Variants in CDH12 observed in about 807,000 individuals in gnomAD.
CDH12 encodes the protein cadherin-12.
In CDH12, 41 loss-of-function variants were observed where a neutral mutation model predicts 74.1. The ratio of observed to expected loss-of-function variants is 0.55; its 90% CI spans 0.43 to 0.72. CDH12 has a LOEUF of 0.72. CDH12 is among the 30% of genes least tolerant of loss of function. The probability of loss-of-function intolerance (pLI) is 0.00; values close to 1 mark genes in which losing one functional copy is unlikely to be tolerated. For missense variants in CDH12, 945 were observed against 977.2 expected (o/e 0.97, Z 0.44); for synonymous variants, 399 against 355.0 (o/e 1.12, Z -1.39).
At chr5:22,671,026 C>CAT (rs142736004) in intron 1 of CDH12, among the ~76,000 whole-genome samples, 2,766 of 147,390 alleles carry the variant, frequency 0.019, 43 homozygotes, top group African/African-American at 0.045. Context: ...TATATGTGTG[C>CAT]ATATATATAT....
At chr5:22,700,758 T>G (rs2126959148) in intron 1 of CDH12, among the ~76,000 whole-genome samples, 1 of 152,334 alleles carries the variant, frequency 6.6e-6, no homozygotes, top group Admixed American at 6.5e-5. Context: ...GATATTCAGT[T>G]ATTGAATCCA....
chr5:22,292,945 G>A (rs2150414414), intron 3 of CDH12, among the ~76,000 whole-genome samples: 1 of 152,150 alleles, frequency 6.6e-6, no homozygotes, highest in South Asian at 2.1e-4. Context: ...TGGTAAACAA[G>A]CTTCCAGCCA....
chr5:22,115,515 T>A (rs189166732), intron 4 of CDH12, among the ~76,000 whole-genome samples: 1 of 152,272 alleles, frequency 6.6e-6, no homozygotes, highest in Admixed American at 6.5e-5. Flanking sequence ...TCTGTTTGAA[T>A]CTACCATTCA....
rs536901869 is a variant in CDH12 at position 21,784,265 on chromosome 5, C to A, written c.1257-771G>T. Among the ~76,000 whole-genome samples, 4 of 152,036 alleles carry A rather than the reference C, an allele frequency of 2.6e-5. No individual in the cohort carries two copies. The East Asian group carries it at 7.7e-4, about 29-fold the overall frequency. Reference sequence around the variant, plus strand: ...TTTAAGTAACAGTAGATATATGGATCGGCATTATGTGAAATTTTTTTCCAA... The same window carrying A: ...TTTAAGTAACAGTAGATATATGGATAGGCATTATGTGAAATTTTTTTCCAA... On this transcript the variant is annotated intron_variant, in intron 10 of 14. Transcript: ENST00000382254.
At chr5:22,035,668 AC>A in intron 5 of CDH12, among the ~76,000 whole-genome samples, 1 of 151,596 alleles carries the variant, frequency 6.6e-6, no homozygotes, top group Non-Finnish European at 1.5e-5. Flanking sequence ...AAGAAAAAAA[AC>A]TTTTATGAAG....
chr5:22,204,753 G>T (rs531519712), intron 4 of CDH12, among the ~76,000 whole-genome samples: 1 of 152,314 alleles, frequency 6.6e-6, no homozygotes, highest in South Asian at 2.1e-4. Flanking sequence ...AGCACATAGG[G>T]TGATTTCCAT....
intron 3 of CDH12, among the ~76,000 whole-genome samples, chr5:22,319,311 C>T (rs1738761755): frequency 1.3e-5 from 2 of 152,134 alleles, no homozygotes; most frequent in Admixed American, 6.5e-5. Flanking sequence ...AACTTGAAAG[C>T]TGGGATGTCA....
chr5:22,110,802 G>T (rs1241842572), intron 4 of CDH12, among the ~76,000 whole-genome samples: 2 of 152,080 alleles, frequency 1.3e-5, no homozygotes, highest in African/African-American at 4.8e-5. Context: ...TCCTAGCCTG[G>T]TGGTCTCTCA....
intron 1 of CDH12, among the ~76,000 whole-genome samples, chr5:22,564,095 C>T (rs1429309163): frequency 1.3e-5 from 2 of 152,120 alleles, no homozygotes; most frequent in African/African-American, 4.8e-5. Flanking sequence ...ACTGCCAACC[C>T]CCAACCACAC....
chr5:22,459,681 A>G (rs1745422438), intron 2 of CDH12, among the ~76,000 whole-genome samples: 1 of 152,186 alleles, frequency 6.6e-6, no homozygotes, highest in Non-Finnish European at 1.5e-5. Context: ...ATGAATTTTG[A>G]AAACTGAAAT....
intron 6 of CDH12, among the ~76,000 whole-genome samples, chr5:21,895,028 A>G (rs1376753661): frequency 6.6e-6 from 1 of 151,694 alleles, no homozygotes. Context: ...AAAAAAAAAA[A>G]AAGACTAGTT....
intron 3 of CDH12, among the ~76,000 whole-genome samples, chr5:22,311,935 A>G (rs1461808059): frequency 6.6e-6 from 1 of 152,186 alleles, no homozygotes; most frequent in African/African-American, 2.4e-5. Context: ...TACAATATTT[A>G]TAAGTGGTAA....
chr5:21,827,332 G>A (rs1303243505), intron 8 of CDH12, among the ~76,000 whole-genome samples: 1 of 142,476 alleles, frequency 7.0e-6, no homozygotes, highest in Non-Finnish European at 1.5e-5. Flanking sequence ...AGTGGATTGG[G>A]CACACTTGAG....
intron 1 of CDH12, among the ~76,000 whole-genome samples, chr5:22,808,363 G>GA (rs1474811745): frequency 6.6e-6 from 1 of 152,116 alleles, no homozygotes; most frequent in Non-Finnish European, 1.5e-5. Flanking sequence ...CATGCTTGAT[G>GA]AATAAGAAAG....
intron 5 of CDH12, among the ~76,000 whole-genome samples, chr5:22,042,234 A>G (rs751441032): frequency 3.0e-4 from 45 of 152,092 alleles, no homozygotes; most frequent in Admixed American, 1.0e-3. Flanking sequence ...ACAACCTAAC[A>G]TTGTAACTTA....
intron 6 of CDH12, among the ~76,000 whole-genome samples, chr5:21,943,394 T>C (rs1307413188): frequency 1.3e-5 from 2 of 152,212 alleles, no homozygotes; most frequent in Non-Finnish European, 2.9e-5. Context: ...TTACATACAT[T>C]TTAGATCTAA....
At chr5:22,085,223 T>C (rs1367137291) in intron 4 of CDH12, among the ~76,000 whole-genome samples, 2 of 152,068 alleles carry the variant, frequency 1.3e-5, no homozygotes, top group African/African-American at 4.8e-5. Context: ...TATTTAGTTG[T>C]GAAATACTCA....
At chr5:22,614,830 T>C (rs1012110918) in intron 1 of CDH12, among the ~76,000 whole-genome samples, 1 of 152,114 alleles carries the variant, frequency 6.6e-6, no homozygotes, top group African/African-American at 2.4e-5. Context: ...AATTTCTTTT[T>C]TATTCTTCAC....
intron 6 of CDH12, among the ~76,000 whole-genome samples, chr5:21,900,761 G>T (rs1315884604): frequency 6.6e-6 from 1 of 152,178 alleles, no homozygotes; most frequent in African/African-American, 2.4e-5. Flanking sequence ...AGAGAGTGCT[G>T]AAGACTCTGC....
Sources: allele counts gnomAD v4.1 joint callset (sites outside exome capture counted in the v4.1 genomes callset), GRCh38; gene constraint gnomAD v4.1.1; transcripts MANE v1.5; gene names NCBI Gene and HGNC (gene_info 2026-07-23, HGNC 2026-07-21).